The following RIPK1 variants were observed in gnomAD, a reference collection of about 807,000 sequenced individuals.
RIPK1 encodes receptor interacting serine/threonine kinase 1.
Under a neutral mutation model 62.4 loss-of-function variants are expected in RIPK1, and 27 were observed. That is an observed-to-expected ratio of 0.43 (90% CI 0.32 to 0.60). The LOEUF is 0.60. Among genes scored for constraint, RIPK1 ranks in the 20% least tolerant of loss-of-function variants. The probability of loss-of-function intolerance (pLI) is 0.07; values close to 1 mark genes in which losing one functional copy is unlikely to be tolerated. For synonymous variants in RIPK1, 287 were observed against 303.2 expected (o/e 0.95, Z 0.55); for missense variants, 735 against 831.0 (o/e 0.88, Z 1.42).
chr6:3,096,550 G>GT (rs112979664), intron 7 of RIPK1, among the ~76,000 whole-genome samples: 2,711 of 98,440 alleles, frequency 0.028, 549 homozygotes, highest in Non-Finnish European at 0.038. Context: ...AATATCTCAA[G>GT]TTTTTTTTTT....
intron 3 of RIPK1, among the ~76,000 whole-genome samples, chr6:3,079,737 C>T (rs1382580525): frequency 6.6e-6 from 1 of 152,242 alleles, no homozygotes; most frequent in African/African-American, 2.4e-5. Flanking sequence ...GAGGTGATCA[C>T]TTATACGCAT....
intron 10 of RIPK1, among the ~76,000 whole-genome samples, chr6:3,112,699 TAAAA>T (rs869135920): frequency 1.3e-5 from 2 of 152,070 alleles, no homozygotes; most frequent in African/African-American, 4.8e-5. Flanking sequence ...CCCAGCTAAT[TAAAA>T]AAAATTTTTT....
chr6:3,078,048 T>G (rs905838800), intron 3 of RIPK1, 113 bp downstream of exon 3: 13 of 1,024,660 alleles, frequency 1.3e-5, no homozygotes, highest in Admixed American at 2.8e-5. Context: ...TGCAAATTGC[T>G]TGGTAGTTTG....
At chr6:3,073,622 A>C (rs1482002168) in intron 1 of RIPK1, among the ~76,000 whole-genome samples, 4 of 151,798 alleles carry the variant, frequency 2.6e-5, no homozygotes, top group Non-Finnish European at 4.4e-5. Flanking sequence ...CTTGTTTGGT[A>C]ATGTCTTATG....
At chr6:3,077,015 T>C (rs1213338160) in intron 2 of RIPK1, 28 bp downstream of exon 2, 3 of 1,317,532 alleles carry the variant, frequency 2.3e-6, no homozygotes, top group Non-Finnish European at 3.2e-6. Context: ...GTGGGTGGGC[T>C]AAGTTCTGAG....
chr6:3,094,707 G>A (rs188063742), intron 7 of RIPK1, among the ~76,000 whole-genome samples: 105 of 151,902 alleles, frequency 6.9e-4, no homozygotes, highest in East Asian at 3.9e-4. Flanking sequence ...AATTAATGCC[G>A]CAGAAAGTAA....
At chr6:3,068,413 G>C, upstream of RIPK1, 2 of 985,496 alleles carry the variant, frequency 2.0e-6, no homozygotes, top group South Asian at 4.7e-5. Context: ...CCGGGCGCGA[G>C]GTCCCACGAG....
intron 5 of RIPK1, among the ~76,000 whole-genome samples, chr6:3,084,662 C>T (rs551378732): frequency 4.0e-5 from 6 of 149,372 alleles, no homozygotes; most frequent in South Asian, 4.2e-4. Context: ...GGTGCAGTCT[C>T]GGCTCACTGC....
chr6:3,085,611 C>T lies in RIPK1; in HGVS notation c.838+203C>T, dbSNP rs192383089. ...AAAGCATGATGGCACATAAGGCCTT[C>T]TTGTTTCCTTTTTTTGTAATTAACT... On this transcript the variant is annotated intron_variant, in intron 6 of 10. Transcript: ENST00000259808. 3.7e-3 allele frequency among the ~76,000 whole-genome samples: 563 copies of T among 152,324 alleles called. 4 individuals carry two copies. Among genetic ancestry groups the T allele is most frequent in the Non-Finnish European group, 5.4e-3 (368 of 68,022 alleles).
chr6:3,081,007 G>A lies in RIPK1; in HGVS notation c.350G>A (p.Arg117Lys). The change falls in exon 4 of 11, where the codon AGG (arginine) becomes AAG (lysine). Residue 117 changes from arginine to lysine, a missense_variant. Arg to Lys is a conservative substitution (Grantham distance 26, BLOSUM62 2). This residue lies in a region of RIPK1 where 671 missense variants were observed against 726.2 expected (regional missense o/e 0.92). Transcript: ENST00000259808. ...EMSTPLSVKG[R>K]IILEIIEGMC... The stretch of plus-strand genomic sequence containing the variant: ...AGTACTCCGCTTTCTGTAAAAGGAA[G>A]GATAATTTTGGAAATCATTGAAGGA... The A allele has an allele frequency of 6.2e-7, 1 of 1,613,980 alleles. No homozygotes were observed. Among genetic ancestry groups the A allele is most frequent in the East Asian group, 2.2e-5 (1 of 44,876 alleles).
chr6:3,106,161 C>A, intron 9 of RIPK1, 110 bp downstream of exon 9: 2 of 819,720 alleles, frequency 2.4e-6, no homozygotes, highest in Non-Finnish European at 3.8e-6. Context: ...CAGAGGGCAT[C>A]ATCAGCTGCC....
Position 3,094,574 on chromosome 6 carries a change from A to G in RIPK1, c.915+4917A>G, listed in dbSNP as rs555570661. On this transcript the variant is annotated intron_variant, in intron 7 of 10. Transcript: ENST00000259808. ...ACTTAATATAACCTTAAATAAATAAATATTTCATATATATATATATATATA... is the reference window on the plus strand; with the variant it reads ...ACTTAATATAACCTTAAATAAATAAGTATTTCATATATATATATATATATA... Among the ~76,000 whole-genome samples, 412 of 138,544 alleles carry G rather than the reference A, an allele frequency of 3.0e-3. 3 individuals carry two copies. The highest frequency in any genetic ancestry group is 0.012 in the African/African-American group (401 of 32,564). The allele number at this position is 138,544 out of a possible 152,430, so 90.9% of individuals were successfully genotyped here.
At chr6:3,067,740 CTTTT>C (rs149016655), upstream of RIPK1, among the ~76,000 whole-genome samples, 1 of 147,364 alleles carries the variant, frequency 6.8e-6, no homozygotes. Context: ...TCCTGTTGTG[CTTTT>C]TTTTTTTTTC....
rs1759513803 is a variant in RIPK1, at chr6:3,083,306, A to G, written c.681A>G (p.Pro227=). The G allele has an allele frequency of 6.2e-7, 1 of 1,612,100 alleles. No homozygotes were observed. The highest frequency in any genetic ancestry group is 8.5e-7 in the Non-Finnish European group (1 of 1,179,706). ...VLWAIFANKE[P]YENAICEQQL... is the part of the protein sequence containing the mutation. ...GGGCGATATTTGCAAATAAGGAGCC[A>G]TATGAAAGTAAGGCATTACTTACTT... The change falls in exon 5 of 11, where the codon CCA becomes CCG. Residue 227 remains proline, a synonymous_variant. Transcript: ENST00000259808.
At position 3,085,253 on chromosome 6, in the gene RIPK1, T is replaced by C; in HGVS notation, c.689-6T>C. The C allele has an allele frequency of 6.2e-7, 1 of 1,614,126 alleles. No individual in the cohort carries two copies. Among genetic ancestry groups the C allele is most frequent in the Non-Finnish European group, 8.5e-7 (1 of 1,180,006 alleles). ...CAAGACCTGAAAGAAAGTCTTTGCT[T>C]TGTAGATGCTATCTGTGAGCAGCAG... is the stretch of plus-strand genomic sequence containing the variant. On this transcript the variant is annotated splice_region_variant and splice_polypyrimidine_tract_variant and intron_variant, in intron 5 of 10. Coordinates refer to ENST00000259808, the MANE Select transcript of RIPK1 (RefSeq NM_001354930.2).
At chr6:3,068,219 C>A (rs1315399457), upstream of RIPK1, 1 of 985,398 alleles carries the variant, frequency 1.0e-6, no homozygotes, top group Non-Finnish European at 1.2e-6. Context: ...CCTATGCTAA[C>A]CCGCAGAGCT....
In RIPK1 at chr6:3,100,641, A is replaced by G. The variant is rs764477220; in HGVS notation, c.916-3584A>G. Among the ~76,000 whole-genome samples the G allele has an allele frequency of 2.6e-4, 40 of 151,760 alleles. 1 individual carries two copies. Among genetic ancestry groups the G allele is most frequent in the Non-Finnish European group, 4.9e-4 (33 of 67,968 alleles). On this transcript the variant is annotated intron_variant, in intron 7 of 10. Coordinates refer to ENST00000259808, the MANE Select transcript of RIPK1 (RefSeq NM_001354930.2). ...GGTCTTACTCTGTCACCCAGGCTGG[A>G]GTGCAGTGACACAATCTGGGCTCAC...
At chr6:3,076,723 T>TATATATATATATATATATATAC (rs1759077763) in intron 1 of RIPK1, 41 bp from the exon 2 acceptor site, 2 of 611,638 alleles carry the variant, frequency 3.3e-6, no homozygotes, top group African/African-American at 4.3e-5. Context: ...TATATATATA[T>TATATATATATATATATATATAC]ATAGTCTTGC....
rs890803596 is a variant in RIPK1, at chr6:3,068,591, C to G, written c.-131C>G. ...GACCCACAGCTGGGGCGCCAGAGCG[C>G]GGCCATCCGGGCGGGGCCGACGGAG... On this transcript the variant is annotated 5_prime_UTR_variant, in exon 1 of 11. Transcript: ENST00000259808. The G allele has an allele frequency of 1.2e-5, 12 of 985,346 alleles. No individual in the cohort carries two copies. Among genetic ancestry groups the G allele is most frequent in the Non-Finnish European group, 1.4e-5 (12 of 829,954 alleles). The allele number at this position is 985,346 out of a possible 1,614,324, so 61.0% of individuals were successfully genotyped here. A position where few individuals can be genotyped will look rare whatever the true frequency, so the allele number is the denominator to read the frequency against.
Sources: gnomAD v4.1 joint callset for allele counts (sites outside exome capture counted in the v4.1 genomes callset) on GRCh38, gnomAD v4.1.1 for gene constraint, gnomAD v4.1.1 regional missense constraint, MANE v1.5 for transcripts, NCBI Gene and HGNC (gene_info 2026-07-23, HGNC 2026-07-21) for gene names.